PAPPA2: variants seen among roughly 807,000 people sequenced by gnomAD.
PAPPA2 encodes the protein pappalysin-2.
In PAPPA2, 86 loss-of-function variants were observed where a neutral mutation model predicts 176.4. The observed-to-expected ratio is 0.49, with a 90% CI of 0.41 to 0.58. The LOEUF is 0.58. PAPPA2 is among the 20% of genes least tolerant of loss of function. The pLI, the probability that PAPPA2 is intolerant of heterozygous loss-of-function variation, is 0.00. For missense variants in PAPPA2, 2,073 were observed against 2,256.9 expected (o/e 0.92, Z 1.65); for synonymous variants, 809 against 852.2 (o/e 0.95, Z 0.88).
intron 19 of PAPPA2, 106 bp downstream of exon 19, chr1:176,791,588 C>T: frequency 7.4e-7 from 1 of 1,343,804 alleles, no homozygotes; most frequent in Non-Finnish European, 1.0e-6. Flanking sequence ...GAGTCTTGCT[C>T]TGTCGCCCAG....
chr1:176,604,291 T>A (rs1456146322), intron 3 of PAPPA2, among the ~76,000 whole-genome samples: 2 of 152,224 alleles, frequency 1.3e-5, no homozygotes, highest in Non-Finnish European at 2.9e-5. Flanking sequence ...ATTTTGTTTA[T>A]TTTGCTTAAT....
At chr1:176,576,887 G>A (rs973046892) in intron 2 of PAPPA2, among the ~76,000 whole-genome samples, 2 of 152,062 alleles carry the variant, frequency 1.3e-5, no homozygotes, top group Non-Finnish European at 2.9e-5. Flanking sequence ...ATTTTAGATA[G>A]TGTAGAAAAT....
rs1365650546 is a variant in PAPPA2, at chr1:176,712,051, G to A, written c.3798+70G>A. 3.3e-6 allele frequency: 5 copies of A among 1,523,112 alleles called. No homozygotes were observed. In the African/African-American group the frequency reaches 4.1e-5, roughly 13 times the overall value. The allele number at this position is 1,523,112 out of a possible 1,614,324, so 94.3% of individuals were successfully genotyped here. On this transcript the variant is annotated intron_variant, in intron 12 of 22. Transcript: ENST00000367662. ...CATATGTGTGTGTGTGTGTGTGTGT[G>A]TGTGTGTAAATGGTGCATTTGGATG...
chr1:176,484,229 T>C (rs577665080), intron 1 of PAPPA2, among the ~76,000 whole-genome samples: 1 of 152,236 alleles, frequency 6.6e-6, no homozygotes, highest in Non-Finnish European at 1.5e-5. Context: ...TTTGCTCTTT[T>C]GTAGGTAACA....
At chr1:176,474,287 T>C (rs1349015237) in intron 1 of PAPPA2, among the ~76,000 whole-genome samples, 3 of 152,162 alleles carry the variant, frequency 2.0e-5, no homozygotes, top group Non-Finnish European at 4.4e-5. Flanking sequence ...GGCTGTATTA[T>C]TTTTTGATTA....
chr1:176,628,223 G>A lies in PAPPA2; in HGVS notation c.1991+32628G>A, dbSNP rs181688876. Among the ~76,000 whole-genome samples the A allele has an allele frequency of 6.0e-4, 92 of 152,206 alleles. 1 individual carries two copies. The East Asian group carries it at 0.013, about 21-fold the overall frequency. On this transcript the variant is annotated intron_variant, in intron 3 of 22. Coordinates refer to ENST00000367662, the MANE Select transcript of PAPPA2 (RefSeq NM_020318.3). Reference sequence around the variant, plus strand: ...AAATAGAGAAAGCAAGGGCAGGAGGGTTCAGAATGTATGCAAGGGAGTGAT... The same window carrying A: ...AAATAGAGAAAGCAAGGGCAGGAGGATTCAGAATGTATGCAAGGGAGTGAT...
intron 21 of PAPPA2, among the ~76,000 whole-genome samples, chr1:176,809,074 G>C (rs1481211778): frequency 1.3e-5 from 2 of 152,158 alleles, no homozygotes; most frequent in Non-Finnish European, 2.9e-5. Flanking sequence ...TTAGTCTTTG[G>C]AGAGTTTTAA....
intron 1 of PAPPA2, among the ~76,000 whole-genome samples, chr1:176,504,715 A>T (rs768189458): frequency 1.1e-4 from 16 of 152,140 alleles, no homozygotes; most frequent in Non-Finnish European, 2.1e-4. Flanking sequence ...TTCTTGGCTT[A>T]TTAAAGCAAT....
At chr1:176,817,548 A>G (rs1316334007) in intron 21 of PAPPA2, among the ~76,000 whole-genome samples, 1 of 152,162 alleles carries the variant, frequency 6.6e-6, no homozygotes, top group East Asian at 1.9e-4. Flanking sequence ...CCGTATTTCA[A>G]GAGAGAAATA....
At chr1:176,557,354 A>C in intron 2 of PAPPA2, 113 bp downstream of exon 2, 1 of 1,263,510 alleles carries the variant, frequency 7.9e-7, no homozygotes, top group Non-Finnish European at 1.1e-6. Flanking sequence ...GAAAGCCAGA[A>C]AGGGCTAGCC....
intron 3 of PAPPA2, among the ~76,000 whole-genome samples, chr1:176,625,020 C>T (rs1331462298): frequency 6.6e-6 from 1 of 152,160 alleles, no homozygotes; most frequent in Non-Finnish European, 1.5e-5. Flanking sequence ...CTGGGGTCTA[C>T]ATTGTGGGCG....
intron 20 of PAPPA2, 43 bp from the exon 21 acceptor site, chr1:176,800,018 T>C: frequency 1.2e-6 from 2 of 1,602,968 alleles, no homozygotes; most frequent in Non-Finnish European, 1.7e-6. Flanking sequence ...ACACAACAAA[T>C]GTCTTTAATT....
intron 1 of PAPPA2, among the ~76,000 whole-genome samples, chr1:176,513,769 T>C (rs1239367281): frequency 1.3e-5 from 2 of 152,218 alleles, no homozygotes; most frequent in South Asian, 2.1e-4. Flanking sequence ...TTCTCATTTA[T>C]ATACTACATC....
At chr1:176,501,348 TGACAGGTC>T (rs769594968) in intron 1 of PAPPA2, among the ~76,000 whole-genome samples, 8 of 152,286 alleles carry the variant, frequency 5.3e-5, no homozygotes, top group Non-Finnish European at 1.0e-4. Flanking sequence ...AAACAAGAAA[TGACAGGTC>T]TTTGCTATAA....
intron 5 of PAPPA2, 165 bp downstream of exon 5, chr1:176,690,595 G>A: frequency 7.1e-7 from 1 of 1,407,538 alleles, no homozygotes; most frequent in Non-Finnish European, 9.3e-7. Flanking sequence ...TCATGTCTTT[G>A]AAGAACTTGA....
chr1:176,623,800 T>C (rs1281119019), intron 3 of PAPPA2, among the ~76,000 whole-genome samples: 1 of 121,002 alleles, frequency 8.3e-6, no homozygotes, highest in Non-Finnish European at 1.7e-5. Context: ...TCTTTCTTTC[T>C]TTCTTTCTTC....
At chr1:176,839,296 A>G (rs996050971) in intron 21 of PAPPA2, among the ~76,000 whole-genome samples, 1 of 152,138 alleles carries the variant, frequency 6.6e-6, no homozygotes, top group African/African-American at 2.4e-5. Flanking sequence ...GAAATAATGC[A>G]TTGGGCTGCT....
intron 17 of PAPPA2, among the ~76,000 whole-genome samples, chr1:176,789,078 A>G (rs1291185304): frequency 6.6e-6 from 1 of 152,188 alleles, no homozygotes; most frequent in Non-Finnish European, 1.5e-5. Context: ...CTTTTCCAAG[A>G]TGAAGATCTC....
chr1:176,691,227 T>G (rs1660107849), intron 5 of PAPPA2: 2 of 952,554 alleles, frequency 2.1e-6, no homozygotes, highest in African/African-American at 3.5e-5. Flanking sequence ...AAGAAGATAT[T>G]TTTTCTATAA....
Sources: allele counts gnomAD v4.1 joint callset (sites outside exome capture counted in the v4.1 genomes callset), GRCh38; gene constraint gnomAD v4.1.1; transcripts MANE v1.5; gene names NCBI Gene and HGNC (gene_info 2026-07-23, HGNC 2026-07-21).